KIRREL3: variants seen among roughly 807,000 people sequenced by gnomAD.
KIRREL3 encodes the protein kirre like nephrin family adhesion molecule 3.
KIRREL3 carries 36 observed loss-of-function variants against 89.7 expected under a neutral mutation model. The ratio of observed to expected loss-of-function variants is 0.40; its 90% CI spans 0.31 to 0.53. The LOEUF is 0.53. Among genes scored for constraint, KIRREL3 ranks in the 20% least tolerant of loss-of-function variants. The pLI, the probability that KIRREL3 is intolerant of heterozygous loss-of-function variation, is 0.49. For missense variants in KIRREL3, 864 were observed against 1,056.6 expected (o/e 0.82, Z 2.53); for synonymous variants, 445 against 441.4 (o/e 1.01, Z -0.10).
At chr11:126,638,650 C>T (rs1944356271) in intron 1 of KIRREL3, among the ~76,000 whole-genome samples, 1 of 152,214 alleles carries the variant, frequency 6.6e-6, no homozygotes, top group Non-Finnish European at 1.5e-5. Flanking sequence ...ATCTTTCCCT[C>T]ACTTATCCTA....
chr11:126,498,874 A>G lies in KIRREL3; in HGVS notation c.433+22441T>C, dbSNP rs749852074. Among the ~76,000 whole-genome samples, 1 of 152,188 alleles carries G rather than the reference A, an allele frequency of 6.6e-6. No individual in the cohort carries two copies. Among genetic ancestry groups the G allele is most frequent in the African/African-American group, 2.4e-5 (1 of 41,454 alleles). ...CACGGAAACTTCTGGATCATTAAAG[A>G]AGCTGTGTGGGCCAGGTGCAGTGGG... is the stretch of plus-strand genomic sequence containing the variant. On this transcript the variant is annotated intron_variant, in intron 4 of 16. Transcript: ENST00000525144. This position sits in a 1 kb window ranked among gnomAD's most constrained non-coding sequence, Gnocchi z 4.3.
In KIRREL3 at chr11:126,452,869, T is replaced by A. The variant is rs533367771; in HGVS notation, c.848+3480A>T. ...GCCCAGCCGGTCTTTCTTCCCCTCC[T>A]GCACTGAAAAACCCTCTGAGAGGTC... is the stretch of plus-strand genomic sequence containing the variant. On this transcript the variant is annotated intron_variant, in intron 7 of 16. Transcript: ENST00000525144. Among the ~76,000 whole-genome samples, 8 of 152,138 alleles carry A rather than the reference T, an allele frequency of 5.3e-5. No individual in the cohort carries two copies. In the South Asian group the frequency reaches 8.3e-4, roughly 16 times the overall value.
At chr11:126,449,406 AC>A (rs1955941399) in intron 7 of KIRREL3, among the ~76,000 whole-genome samples, 1 of 152,182 alleles carries the variant, frequency 6.6e-6, no homozygotes, top group African/African-American at 2.4e-5. Context: ...AGTCAGTGGC[AC>A]TCAACAAGTG....
intron 2 of KIRREL3, among the ~76,000 whole-genome samples, chr11:126,548,793 C>T (rs571122019): frequency 9.4e-4 from 143 of 152,278 alleles, no homozygotes; most frequent in African/African-American, 3.3e-3. Flanking sequence ...ATAGGAACAG[C>T]GCAGGGGTGA....
At position 126,917,604 on chromosome 11, in the gene KIRREL3, T is replaced by C. The variant is rs1367723600; in HGVS notation, c.55+82851A>G. Among the ~76,000 whole-genome samples, 2 of 151,904 alleles carry C rather than the reference T, an allele frequency of 1.3e-5. No individual in the cohort carries two copies. Among genetic ancestry groups the C allele is most frequent in the Non-Finnish European group, 2.9e-5 (2 of 67,998 alleles). On this transcript the variant is annotated intron_variant, in intron 1 of 16. Transcript: ENST00000525144. The surrounding 1 kb of genome is among the most constrained non-coding windows in gnomAD (Gnocchi z 5.0). ...GCTCAGTTGTAGGCTGTGTGGGGAGTGAGTAATGATCACCTGGTGCAATCT... is the reference window on the plus strand; with the variant it reads ...GCTCAGTTGTAGGCTGTGTGGGGAGCGAGTAATGATCACCTGGTGCAATCT...
At chr11:126,850,927 C>A (rs190883202) in intron 1 of KIRREL3, among the ~76,000 whole-genome samples, 1 of 152,172 alleles carries the variant, frequency 6.6e-6, no homozygotes, top group South Asian at 2.1e-4. Context: ...ACCGGACAGG[C>A]CCAAGTCACA....
chr11:126,703,218 A>G lies in KIRREL3; in HGVS notation c.56-140306T>C, dbSNP rs1023500156. ...CCATTTACTCCATCTGACCTACTTC[A>G]CAGGCTGGGCTGCCATGAGCGGCTG... On this transcript the variant is annotated intron_variant, in intron 1 of 16. Transcript: ENST00000525144. This position sits in a 1 kb window ranked among gnomAD's most constrained non-coding sequence, Gnocchi z 4.6. Among the ~76,000 whole-genome samples, 2 of 152,178 alleles carry G rather than the reference A, an allele frequency of 1.3e-5. No individual in the cohort carries two copies. Among genetic ancestry groups the G allele is most frequent in the Non-Finnish European group, 2.9e-5 (2 of 68,030 alleles).
chr11:126,519,363 G>T lies in KIRREL3; in HGVS notation c.433+1952C>A, dbSNP rs659015. Among the ~76,000 whole-genome samples, 45,431 of 152,214 alleles carry T rather than the reference G, an allele frequency of 0.3. 8,770 individuals are homozygous for T. Among genetic ancestry groups the T allele is most frequent in the East Asian group, 0.85 (4,389 of 5,184 alleles). ...TGAAAAATCTGGAGTTGATTTTGAA[G>T]GTTAATTAAGCTGTGTCACCTCCTG... On this transcript the variant is annotated intron_variant, in intron 4 of 16. Coordinates refer to ENST00000525144, the MANE Select transcript of KIRREL3 (RefSeq NM_032531.4). The surrounding 1 kb of genome is among the most constrained non-coding windows in gnomAD (Gnocchi z 4.3).
At chr11:126,751,347 G>A (rs1048805472) in intron 1 of KIRREL3, among the ~76,000 whole-genome samples, 7 of 152,214 alleles carry the variant, frequency 4.6e-5, no homozygotes, top group African/African-American at 1.4e-4. Flanking sequence ...TGCTTTGAGC[G>A]AACCACTTTT....
intron 4 of KIRREL3, among the ~76,000 whole-genome samples, chr11:126,481,034 C>T (rs1212830277): frequency 6.6e-6 from 1 of 152,190 alleles, no homozygotes; most frequent in Non-Finnish European, 1.5e-5. Flanking sequence ...TCGTATTGAG[C>T]ACCTACTATA....
At chr11:126,866,263 C>G (rs1245918290) in intron 1 of KIRREL3, among the ~76,000 whole-genome samples, 1 of 152,228 alleles carries the variant, frequency 6.6e-6, no homozygotes, top group Non-Finnish European at 1.5e-5. Context: ...TGGTTGATGT[C>G]TTGCAGGGAG....
At chr11:126,546,158 T>A in intron 2 of KIRREL3, among the ~76,000 whole-genome samples, 1 of 152,210 alleles carries the variant, frequency 6.6e-6, no homozygotes, top group East Asian at 1.9e-4. Flanking sequence ...GTTCAATAAA[T>A]GTTGAATGTA....
Position 126,706,409 on chromosome 11 carries a change from G to A in KIRREL3, c.56-143497C>T, listed in dbSNP as rs1008387510. Among the ~76,000 whole-genome samples the A allele has an allele frequency of 2.6e-5, 4 of 152,102 alleles. No homozygotes were observed. In the South Asian group the frequency reaches 8.3e-4, roughly 32 times the overall value. Reference sequence around the variant, plus strand: ...GCAAATATCGTTTAAGTACAATTAGGTTTTTATCTAGTTATTTGCAAAAAT... The same window carrying A: ...GCAAATATCGTTTAAGTACAATTAGATTTTTATCTAGTTATTTGCAAAAAT... On this transcript the variant is annotated intron_variant, in intron 1 of 16. Transcript: ENST00000525144.
At chr11:126,559,676 C>CTT (rs968122474) in intron 2 of KIRREL3, among the ~76,000 whole-genome samples, 1 of 144,798 alleles carries the variant, frequency 6.9e-6, no homozygotes, top group Non-Finnish European at 1.5e-5. Flanking sequence ...TCTTACTCTA[C>CTT]TTTTTTTTTT....
intron 1 of KIRREL3, among the ~76,000 whole-genome samples, chr11:126,922,139 C>A (rs980827433): frequency 6.6e-6 from 1 of 151,206 alleles, no homozygotes; most frequent in Non-Finnish European, 1.5e-5. Flanking sequence ...ATCTATCTAT[C>A]TATCTATCTA....
chr11:126,633,783 A>G (rs1271850508), intron 1 of KIRREL3, among the ~76,000 whole-genome samples: 2 of 152,216 alleles, frequency 1.3e-5, no homozygotes, highest in Non-Finnish European at 2.9e-5. Flanking sequence ...CTTTTCCATC[A>G]TCCATCAGTG....
chr11:126,694,479 C>T lies in KIRREL3; in HGVS notation c.56-131567G>A, dbSNP rs1002353575. ...GGAAAATACTGCAGAGGAAGCAGGG[C>T]GAGCGTGGAGAATGATTGCTCAGGC... On this transcript the variant is annotated intron_variant, in intron 1 of 16. Transcript: ENST00000525144. The surrounding 1 kb of genome is among the most constrained non-coding windows in gnomAD (Gnocchi z 4.4). Among the ~76,000 whole-genome samples the T allele has an allele frequency of 4.6e-5, 7 of 152,044 alleles. No homozygotes were observed. Among genetic ancestry groups the T allele is most frequent in the African/African-American group, 1.7e-4 (7 of 41,392 alleles).
At chr11:126,667,710 T>C (rs557784818) in intron 1 of KIRREL3, among the ~76,000 whole-genome samples, 2 of 152,316 alleles carry the variant, frequency 1.3e-5, no homozygotes, top group South Asian at 2.1e-4. Flanking sequence ...GGGGCCTCAA[T>C]TGGGATATTT....
At chr11:126,573,521 C>T (rs1487164203) in intron 1 of KIRREL3, among the ~76,000 whole-genome samples, 1 of 147,370 alleles carries the variant, frequency 6.8e-6, no homozygotes, top group East Asian at 2.1e-4. Flanking sequence ...TAGGAGAGGA[C>T]CCAGCGGAAA....
Sources: allele counts gnomAD v4.1 joint callset (sites outside exome capture counted in the v4.1 genomes callset), GRCh38; gene constraint gnomAD v4.1.1; non-coding constraint Gnocchi (gnomAD v3.1); transcripts MANE v1.5; gene names NCBI Gene and HGNC (gene_info 2026-07-23, HGNC 2026-07-21).